Variants in NR2F1-AS1 observed in about 807,000 individuals in gnomAD.
NR2F1-AS1 encodes NR2F1 regulatory antisense RNA 1, also known as NR2F1 antisense RNA 1.
intron 4 of NR2F1-AS1, among the ~76,000 whole-genome samples, chr5:93,475,517 C>T (rs1750465039): frequency 2.0e-5 from 3 of 152,130 alleles, no homozygotes; most frequent in Admixed American, 2.0e-4. Flanking sequence ...AATTACAGTA[C>T]AGCACACCCT....
At chr5:93,488,901 T>C (rs1580270043) in intron 4 of NR2F1-AS1, among the ~76,000 whole-genome samples, 1 of 152,174 alleles carries the variant, frequency 6.6e-6, no homozygotes, top group Non-Finnish European at 1.5e-5. Context: ...ATATACACCA[T>C]GGAATACTAT....
At chr5:93,410,946 C>T (rs190459363) in intron 4 of NR2F1-AS1, 35 of 152,220 alleles carry the variant, frequency 2.3e-4, no homozygotes, top group Middle Eastern at 3.4e-3. Context: ...TTAAAATGTC[C>T]TGAGTTGCCA....
chr5:93,472,106 C>T (rs1750379241), intron 4 of NR2F1-AS1, among the ~76,000 whole-genome samples: 1 of 151,728 alleles, frequency 6.6e-6, no homozygotes, highest in Non-Finnish European at 1.5e-5. Context: ...TATAAGTTCA[C>T]AAAGCTGGTA....
At chr5:93,499,630 CAT>C (rs758643214) in intron 4 of NR2F1-AS1, among the ~76,000 whole-genome samples, 35 of 152,206 alleles carry the variant, frequency 2.3e-4, no homozygotes, top group Non-Finnish European at 4.1e-4. Context: ...CCAGACACAA[CAT>C]ATTGAAATTG....
At chr5:93,429,935 T>C (rs1019967670) in intron 4 of NR2F1-AS1, among the ~76,000 whole-genome samples, 1 of 152,240 alleles carries the variant, frequency 6.6e-6, no homozygotes, top group African/African-American at 2.4e-5. Flanking sequence ...ATGATGAATA[T>C]AAGTACATAA....
At chr5:93,491,009 T>C (rs1750831301) in intron 4 of NR2F1-AS1, among the ~76,000 whole-genome samples, 1 of 148,470 alleles carries the variant, frequency 6.7e-6, no homozygotes, top group Non-Finnish European at 1.5e-5. Flanking sequence ...ATGGTGGTGA[T>C]GGGAGTGGTG....
intron 4 of NR2F1-AS1, among the ~76,000 whole-genome samples, chr5:93,448,343 A>T (rs146497917): frequency 1.2e-3 from 181 of 152,320 alleles, no homozygotes; most frequent in African/African-American, 4.0e-3. Context: ...GACAAGATAG[A>T]CCTGTCAAAT....
At chr5:93,574,249 G>A (rs1007631034) in intron 1 of NR2F1-AS1, among the ~76,000 whole-genome samples, 9 of 152,236 alleles carry the variant, frequency 5.9e-5, no homozygotes, top group Non-Finnish European at 1.0e-4. Context: ...TGGCCCCCGG[G>A]GGAGGAGGCA....
At chr5:93,463,669 G>C (rs2149865122) in intron 4 of NR2F1-AS1, among the ~76,000 whole-genome samples, 1 of 152,338 alleles carries the variant, frequency 6.6e-6, no homozygotes, top group Non-Finnish European at 1.5e-5. Flanking sequence ...AACTGCCCAA[G>C]ACCATGGGAA....
chr5:93,504,785 C>T (rs1161231850), intron 4 of NR2F1-AS1, among the ~76,000 whole-genome samples: 1 of 152,010 alleles, frequency 6.6e-6, no homozygotes, highest in Non-Finnish European at 1.5e-5. Flanking sequence ...ATTACCTCCC[C>T]CTGGGTCCCT....
chr5:93,440,218 TCA>T (rs1308034701), intron 4 of NR2F1-AS1, among the ~76,000 whole-genome samples: 40 of 148,988 alleles, frequency 2.7e-4, no homozygotes, highest in African/African-American at 8.9e-4. Context: ...TCTCTCTCTC[TCA>T]CACACACACA....
intron 4 of NR2F1-AS1, among the ~76,000 whole-genome samples, chr5:93,411,915 G>A (rs1403262062): frequency 6.6e-6 from 1 of 152,128 alleles, no homozygotes; most frequent in African/African-American, 2.4e-5. Flanking sequence ...ATGGATGGCT[G>A]GGAAACAACA....
chr5:93,477,100 T>C (rs572518968), intron 4 of NR2F1-AS1, among the ~76,000 whole-genome samples: 2 of 152,110 alleles, frequency 1.3e-5, no homozygotes, highest in Non-Finnish European at 2.9e-5. Context: ...ATTGTATATA[T>C]AACAGGAAAT....
At chr5:93,492,285 AACAG>A (rs1315396509) in intron 4 of NR2F1-AS1, among the ~76,000 whole-genome samples, 1 of 152,190 alleles carries the variant, frequency 6.6e-6, no homozygotes, top group Admixed American at 6.5e-5. Context: ...AAAAAACCTT[AACAG>A]ACAGACTCAG....
At chr5:93,422,525 T>C (rs188076664) in intron 4 of NR2F1-AS1, 65 of 152,330 alleles carry the variant, frequency 4.3e-4, no homozygotes, top group African/African-American at 1.4e-3. Context: ...GAGCAAAAAA[T>C]GGAATTGGAA....
intron 4 of NR2F1-AS1, among the ~76,000 whole-genome samples, chr5:93,429,590 T>C (rs1749267884): frequency 6.6e-6 from 1 of 152,236 alleles, no homozygotes; most frequent in Non-Finnish European, 1.5e-5. Context: ...TGAGCTCTTT[T>C]GCATCTTCTT....
chr5:93,471,148 G>A (rs1386286840), intron 4 of NR2F1-AS1, among the ~76,000 whole-genome samples: 1 of 151,814 alleles, frequency 6.6e-6, no homozygotes, highest in African/African-American at 2.4e-5. Context: ...GAATCAATTA[G>A]CAAAAAACTA....
intron 4 of NR2F1-AS1, among the ~76,000 whole-genome samples, chr5:93,490,286 T>C (rs1273868480): frequency 6.6e-6 from 1 of 152,238 alleles, no homozygotes; most frequent in Non-Finnish European, 1.5e-5. Context: ...GACAGACTCA[T>C]AGTTTTCATT....
At chr5:93,466,493 C>G (rs1015710343) in intron 4 of NR2F1-AS1, among the ~76,000 whole-genome samples, 5 of 151,928 alleles carry the variant, frequency 3.3e-5, no homozygotes, top group African/African-American at 1.2e-4. Context: ...CCCACCACCA[C>G]GCCTGGCTAA....
Sources: allele counts gnomAD v4.1 joint callset (sites outside exome capture counted in the v4.1 genomes callset), GRCh38; gene constraint gnomAD v4.1.1; transcripts MANE v1.5; gene names NCBI Gene and HGNC (gene_info 2026-07-23, HGNC 2026-07-21).